The following PTPRG variants were observed in gnomAD, a reference collection of about 807,000 sequenced individuals.
PTPRG encodes the protein receptor-type tyrosine-protein phosphatase gamma.
Under a neutral mutation model 165.3 loss-of-function variants are expected in PTPRG, and 102 were observed. The ratio of observed to expected loss-of-function variants is 0.62; its 90% CI spans 0.53 to 0.73. The LOEUF (loss-of-function observed/expected upper bound fraction) is 0.73. Ranked by LOEUF, PTPRG falls within the 30% of genes least tolerant of loss-of-function variation. The pLI, the probability that PTPRG is intolerant of heterozygous loss-of-function variation, is 0.00. For synonymous variants in PTPRG, 675 were observed against 669.5 expected (o/e 1.01, Z -0.13); for missense variants, 1,866 against 1,861.4 (o/e 1.00, Z -0.05).
intron 16 of PTPRG, among the ~76,000 whole-genome samples, chr3:62,257,801 T>C (rs1293886159): frequency 6.6e-6 from 1 of 151,986 alleles, no homozygotes. Flanking sequence ...CAAAAAAAAT[T>C]TTTTTTAATT....
At chr3:62,287,335 A>AACATGCTGAACAAG (rs1702702907) in intron 28 of PTPRG, among the ~76,000 whole-genome samples, 1 of 152,216 alleles carries the variant, frequency 6.6e-6, no homozygotes, top group Non-Finnish European at 1.5e-5. Flanking sequence ...GAGGGAAGAC[A>AACATGCTGAACAAG]ACATGCTGAA....
chr3:61,668,335 A>C (rs548698399), intron 1 of PTPRG, among the ~76,000 whole-genome samples: 1 of 152,250 alleles, frequency 6.6e-6, no homozygotes. Context: ...GGGAAGAGAA[A>C]GGAACAGATA....
At chr3:61,627,458 G>A (rs1029758255) in intron 1 of PTPRG, among the ~76,000 whole-genome samples, 1 of 152,108 alleles carries the variant, frequency 6.6e-6, no homozygotes, top group Non-Finnish European at 1.5e-5. Flanking sequence ...TATTCTTTAT[G>A]ATGGCTGCTG....
Position 62,203,102 on chromosome 3 carries a change from T to C in PTPRG, c.1378-71T>C. 2.0e-6 allele frequency: 3 copies of C among 1,518,520 alleles called. No homozygotes were observed. Among genetic ancestry groups the C allele is most frequent in the Non-Finnish European group, 2.6e-6 (3 of 1,133,280 alleles). The allele number at this position is 1,518,520 out of a possible 1,614,324, so 94.1% of individuals were successfully genotyped here. On this transcript the variant is annotated intron_variant, in intron 11 of 29. Coordinates refer to ENST00000474889, the MANE Select transcript of PTPRG (RefSeq NM_002841.4). This position sits in a 1 kb window ranked among gnomAD's most constrained non-coding sequence, Gnocchi z 6.4. ...GACAACCAGGGCCTCATTCCCAATC[T>C]CAATTACTGATGCTTCTCTGCTTTT...
intron 6 of PTPRG, among the ~76,000 whole-genome samples, chr3:62,154,139 GACTTA>G (rs1231110856): frequency 6.6e-6 from 1 of 152,172 alleles, no homozygotes; most frequent in East Asian, 1.9e-4. Flanking sequence ...CACCAGGGCT[GACTTA>G]ACTTATTTGA....
intron 2 of PTPRG, among the ~76,000 whole-genome samples, chr3:61,754,638 T>G (rs2033572427): frequency 2.0e-5 from 3 of 152,210 alleles, no homozygotes; most frequent in Admixed American, 6.5e-5. Flanking sequence ...GGGAATTTAC[T>G]AAGGGGAGTC....
At chr3:62,148,305 G>A (rs1353635979) in intron 6 of PTPRG, among the ~76,000 whole-genome samples, 1 of 152,152 alleles carries the variant, frequency 6.6e-6, no homozygotes, top group Non-Finnish European at 1.5e-5. Flanking sequence ...AGGCAGGTAG[G>A]TGGTCAGCAA....
At chr3:61,906,721 A>G (rs1233129276) in intron 2 of PTPRG, among the ~76,000 whole-genome samples, 3 of 152,168 alleles carry the variant, frequency 2.0e-5, no homozygotes, top group African/African-American at 2.4e-5. Context: ...TCAAGTCTGC[A>G]ATGTGTTGTA....
At chr3:61,915,726 T>G (rs1243453735) in intron 2 of PTPRG, among the ~76,000 whole-genome samples, 2 of 152,218 alleles carry the variant, frequency 1.3e-5, no homozygotes, top group Non-Finnish European at 2.9e-5. Flanking sequence ...ATGTTTCAGA[T>G]GCTCTATGTA....
intron 2 of PTPRG, among the ~76,000 whole-genome samples, chr3:61,955,031 A>G (rs2039999410): frequency 6.6e-6 from 1 of 152,224 alleles, no homozygotes; most frequent in Non-Finnish European, 1.5e-5. Flanking sequence ...TAATGGCCAT[A>G]CATAATGGCA....
At position 61,599,304 on chromosome 3, in the gene PTPRG, C is replaced by T. The variant is rs145254321; in HGVS notation, c.85+36932C>T. Among the ~76,000 whole-genome samples, 143 of 152,192 alleles carry T rather than the reference C, an allele frequency of 9.4e-4. 1 individual carries two copies. The highest frequency in any genetic ancestry group is 3.7e-3 in the South Asian group (18 of 4,820). On this transcript the variant is annotated intron_variant, in intron 1 of 29. Transcript: ENST00000474889. Reference sequence around the variant, plus strand: ...AGCTGGCATTATAGGCACACCACCACGCCTGGCTAATTTTTGTATGTTTAG... The same window carrying T: ...AGCTGGCATTATAGGCACACCACCATGCCTGGCTAATTTTTGTATGTTTAG...
At chr3:61,605,081 C>T (rs1288997389) in intron 1 of PTPRG, among the ~76,000 whole-genome samples, 1 of 152,158 alleles carries the variant, frequency 6.6e-6, no homozygotes, top group Non-Finnish European at 1.5e-5. Context: ...CATCCAACAT[C>T]TGATAAACTG....
Position 62,060,581 on chromosome 3 carries a change from T to G in PTPRG, c.520-17582T>G, listed in dbSNP as rs149810256. Among the ~76,000 whole-genome samples the G allele has an allele frequency of 3.5e-3, 527 of 152,346 alleles. 2 individuals carry two copies. The highest frequency in any genetic ancestry group is 0.012 in the African/African-American group (492 of 41,582). ...ACTGTTCTGTCTGTATGTCAGTATT[T>G]AGTAAAGTTTGAAAAGAAATCTTGT... On this transcript the variant is annotated intron_variant, in intron 4 of 29. Coordinates refer to ENST00000474889, the MANE Select transcript of PTPRG (RefSeq NM_002841.4).
At chr3:61,653,013 A>T (rs1401527968) in intron 1 of PTPRG, among the ~76,000 whole-genome samples, 2 of 152,230 alleles carry the variant, frequency 1.3e-5, no homozygotes, top group Non-Finnish European at 2.9e-5. Flanking sequence ...AATTATGCCA[A>T]ACAACAGATT....
chr3:62,028,773 G>C (rs1457744913), intron 4 of PTPRG, among the ~76,000 whole-genome samples: 1 of 152,204 alleles, frequency 6.6e-6, no homozygotes, highest in African/African-American at 2.4e-5. Context: ...GGCTAGAAAG[G>C]AGACAGAAGT....
At chr3:61,915,626 C>T (rs998186258) in intron 2 of PTPRG, among the ~76,000 whole-genome samples, 2 of 152,144 alleles carry the variant, frequency 1.3e-5, no homozygotes, top group Non-Finnish European at 2.9e-5. Flanking sequence ...ATAGTTTAAG[C>T]CTTGCTGAAT....
At chr3:61,575,083 A>G (rs1700145234) in intron 1 of PTPRG, among the ~76,000 whole-genome samples, 1 of 152,216 alleles carries the variant, frequency 6.6e-6, no homozygotes, top group African/African-American at 2.4e-5. Flanking sequence ...ATAGCAGCGC[A>G]TAACTTTAGC....
chr3:61,990,236 G>A (rs1339832080), intron 3 of PTPRG, among the ~76,000 whole-genome samples: 1 of 152,000 alleles, frequency 6.6e-6, no homozygotes, highest in African/African-American at 2.4e-5. Context: ...TGCCACATAC[G>A]GCTAGTGACT....
At chr3:61,801,074 A>C (rs2107170241) in intron 2 of PTPRG, among the ~76,000 whole-genome samples, 1 of 152,280 alleles carries the variant, frequency 6.6e-6, no homozygotes, top group African/African-American at 2.4e-5. Flanking sequence ...CTGGGAAGTG[A>C]CTTCCTGGTA....
Sources: gnomAD v4.1 joint callset for allele counts (sites outside exome capture counted in the v4.1 genomes callset) on GRCh38, gnomAD v4.1.1 for gene constraint, Gnocchi (gnomAD v3.1) non-coding constraint, MANE v1.5 for transcripts, NCBI Gene and HGNC (gene_info 2026-07-23, HGNC 2026-07-21) for gene names.